Variants in PHEX observed in about 807,000 individuals in gnomAD.
The protein encoded by PHEX is phosphate-regulating neutral endopeptidase PHEX.
Under a neutral mutation model 68.0 loss-of-function variants are expected in PHEX, and 16 were observed. The ratio of observed to expected loss-of-function variants is 0.24; its 90% CI spans 0.16 to 0.36. The LOEUF (loss-of-function observed/expected upper bound fraction) is 0.36, where lower values mean the gene tolerates loss of function less well. Among genes scored for constraint, PHEX ranks in the 10% least tolerant of loss-of-function variants. PHEX has a pLI of 1.00. For synonymous variants in PHEX, 208 were observed against 205.1 expected, an observed-to-expected ratio of 1.01 and a Z score of -0.12; for missense variants, 480 against 575.5, an observed-to-expected ratio of 0.83 and a Z score of 1.70.
In PHEX at chrX:22,231,709, C is replaced by A. The variant is rs183731599; in HGVS notation, c.2070+4098C>A. Reference sequence around the variant, plus strand: ...GGTCTATCTGTGTTGTTGATCTTTTCAAAAAACCAGCTCCTGGATTCATTG... The same window carrying A: ...GGTCTATCTGTGTTGTTGATCTTTTAAAAAAACCAGCTCCTGGATTCATTG... On this transcript the variant is annotated intron_variant, in intron 20 of 21. Transcript: ENST00000379374. Among the ~76,000 whole-genome samples the A allele has an allele frequency of 3.0e-3, 331 of 111,018 alleles. 2 individuals carry two copies. The highest frequency in any genetic ancestry group is 0.01 in the African/African-American group (310 of 30,496).
chrX:22,170,595 TTCACACTTG>T (rs1485785113), intron 13 of PHEX, among the ~76,000 whole-genome samples: 1 of 112,221 alleles, frequency 8.9e-6, no homozygotes, highest in East Asian at 2.8e-4. Flanking sequence ...ACATCCTCAA[TTCACACTTG>T]TGGTAGTGAA....
intron 12 of PHEX, among the ~76,000 whole-genome samples, chrX:22,164,217 G>C (rs1003736303): frequency 8.9e-6 from 1 of 111,914 alleles, no homozygotes; most frequent in Non-Finnish European, 1.9e-5. Flanking sequence ...AGGGAAAAAT[G>C]TAGAATGGGG....
chrX:22,040,228 T>G (rs780913789), intron 2 of PHEX, among the ~76,000 whole-genome samples: 4 of 112,395 alleles, frequency 3.6e-5, no homozygotes, highest in African/African-American at 6.5e-5. Flanking sequence ...CTCTTGGCCT[T>G]AAAAGGTTAA....
intron 3 of PHEX, among the ~76,000 whole-genome samples, chrX:22,062,315 C>T (rs758385411): frequency 1.9e-4 from 21 of 111,072 alleles, no homozygotes; most frequent in Non-Finnish European, 2.3e-4. Flanking sequence ...TAGTATTGTC[C>T]GATAGAAATA....
chrX:22,241,146 G>A (rs1936177969), intron 20 of PHEX, among the ~76,000 whole-genome samples: 1 of 111,866 alleles, frequency 8.9e-6, no homozygotes, highest in Admixed American at 9.5e-5. Context: ...CCAACTACAT[G>A]GAAACTGAAC....
At chrX:22,108,942 CAAA>C (rs34267547) in intron 9 of PHEX, among the ~76,000 whole-genome samples, 2 of 73,395 alleles carry the variant, frequency 2.7e-5, no homozygotes, top group Non-Finnish European at 2.8e-5. Flanking sequence ...ACTCCATCTT[CAAA>C]AAAAAAAAAA....
chrX:22,240,365 A>G (rs1047200196), intron 20 of PHEX, among the ~76,000 whole-genome samples: 6 of 112,352 alleles, frequency 5.3e-5, no homozygotes, highest in African/African-American at 1.9e-4. Context: ...GCATAATGAC[A>G]GGATCAAATT....
At chrX:22,041,265 C>CTCTCTCTCTA (rs1468778300) in intron 2 of PHEX, among the ~76,000 whole-genome samples, 32 of 72,821 alleles carry the variant, frequency 4.4e-4, no homozygotes, top group African/African-American at 1.5e-3. Context: ...CTCTCTCTCT[C>CTCTCTCTCTA]TATATATATA....
At chrX:22,154,660 A>AT (rs767177695) in intron 12 of PHEX, among the ~76,000 whole-genome samples, 21 of 111,508 alleles carry the variant, frequency 1.9e-4, no homozygotes, top group African/African-American at 6.8e-4. Context: ...ACCCTGCCTT[A>AT]TGGTAAGGCT....
At chrX:22,080,899 A>G (rs1929364659) in intron 5 of PHEX, among the ~76,000 whole-genome samples, 1 of 111,664 alleles carries the variant, frequency 9.0e-6, no homozygotes, top group South Asian at 3.8e-4. Context: ...TGACGTTCAA[A>G]TGAATTGACT....
rs1235348543 is a variant in PHEX, at chrX:22,094,001, A to G, written c.751A>G (p.Lys251Glu). The G allele has an allele frequency of 9.2e-6, 11 of 1,194,743 alleles. No individual in the cohort carries two copies. The highest frequency in any genetic ancestry group is 4.6e-4 in the Middle Eastern group (2 of 4,306). The change falls in exon 7 of 22, where the codon AAG becomes GAG. Residue 251 changes from lysine to glutamate, a missense_variant. Transcript: ENST00000379374. ...CTTACAGTATCGGGATGCCCTTTACAAGTTCATGGTGGATACTGCCGTGCT... is the reference window on the plus strand; with the variant it reads ...CTTACAGTATCGGGATGCCCTTTACGAGTTCATGGTGGATACTGCCGTGCT... The part of the protein sequence containing the change: ...EAKSYRDALY[K>E]FMVDTAVLLG...
At chrX:22,051,257 G>A (rs753700113) in intron 3 of PHEX, among the ~76,000 whole-genome samples, 1 of 112,423 alleles carries the variant, frequency 8.9e-6, no homozygotes, top group Non-Finnish European at 1.9e-5. Flanking sequence ...ATAGCTGGAC[G>A]CAGTGGCTCT....
chrX:22,213,473 G>T (rs1443920599), intron 16 of PHEX, among the ~76,000 whole-genome samples: 4 of 111,980 alleles, frequency 3.6e-5, no homozygotes, highest in Admixed American at 9.5e-5. Context: ...TGAACTTTTT[G>T]AGCAAGTTAG....
chrX:22,064,117 C>G (rs1362920073), intron 3 of PHEX, among the ~76,000 whole-genome samples: 2 of 112,205 alleles, frequency 1.8e-5, no homozygotes, highest in Non-Finnish European at 3.8e-5. Context: ...GTTCTTTTAG[C>G]CTGACTTAGA....
intron 3 of PHEX, among the ~76,000 whole-genome samples, chrX:22,059,609 C>T (rs2301305): frequency 0.17 from 19,298 of 111,356 alleles, 1,315 homozygotes; most frequent in Admixed American, 0.25. Context: ...ACAGACTGCT[C>T]AAGAGATGTA....
chrX:22,040,516 T>TA (rs958936199), intron 2 of PHEX, among the ~76,000 whole-genome samples: 7 of 110,303 alleles, frequency 6.3e-5, no homozygotes, highest in East Asian at 2.9e-4. Flanking sequence ...TAGAGAAAAT[T>TA]AAAAAAAAGA....
chrX:22,037,470 A>G (rs950463095), intron 1 of PHEX, among the ~76,000 whole-genome samples: 9 of 111,689 alleles, frequency 8.1e-5, no homozygotes, highest in African/African-American at 2.9e-4. Flanking sequence ...TACTACAAAT[A>G]CTTTTGAAAT....
intron 20 of PHEX, among the ~76,000 whole-genome samples, chrX:22,231,384 G>A (rs1195172618): frequency 1.8e-5 from 2 of 111,849 alleles, no homozygotes; most frequent in Non-Finnish European, 3.8e-5. Context: ...GAATTCGGCT[G>A]TGAATCTGTC....
intron 9 of PHEX, among the ~76,000 whole-genome samples, chrX:22,110,424 GTAGACA>G: frequency 8.9e-6 from 1 of 112,048 alleles, no homozygotes; most frequent in Middle Eastern, 4.6e-3. Flanking sequence ...CAATGTTTTT[GTAGACA>G]TATTCTTTTT....
Sources: gnomAD v4.1 joint callset for allele counts (sites outside exome capture counted in the v4.1 genomes callset) on GRCh38, gnomAD v4.1.1 for gene constraint, MANE v1.5 for transcripts, NCBI Gene and HGNC (gene_info 2026-07-23, HGNC 2026-07-21) for gene names.